The following PTPRO variants were observed in gnomAD, a reference collection of about 807,000 sequenced individuals.
PTPRO encodes receptor-type tyrosine-protein phosphatase O.
In PTPRO, 62 loss-of-function variants were observed where a neutral mutation model predicts 145.2. The ratio of observed to expected loss-of-function variants is 0.43; its 90% CI spans 0.35 to 0.53. The LOEUF (loss-of-function observed/expected upper bound fraction) is 0.53. Among genes scored for constraint, PTPRO ranks in the 20% least tolerant of loss-of-function variants. The pLI, the probability that PTPRO is intolerant of heterozygous loss-of-function variation, is 0.01. For missense variants in PTPRO, 1,345 were observed against 1,482.7 expected, an observed-to-expected ratio of 0.91 and a Z score of 1.53; for synonymous variants, 565 against 514.7, an observed-to-expected ratio of 1.10 and a Z score of -1.32.
At chr12:15,448,860 C>T (rs1263619035) in intron 1 of PTPRO, among the ~76,000 whole-genome samples, 2 of 151,726 alleles carry the variant, frequency 1.3e-5, no homozygotes, top group East Asian at 1.9e-4. Flanking sequence ...TAAATAACAA[C>T]ATGGATGAAC....
chr12:15,491,953 C>T (rs1942007771), intron 2 of PTPRO, among the ~76,000 whole-genome samples: 1 of 151,820 alleles, frequency 6.6e-6, no homozygotes, highest in South Asian at 2.1e-4. Context: ...AACAAACAAA[C>T]AAACAAACAA....
At chr12:15,523,127 A>C (rs116006682) in intron 10 of PTPRO, among the ~76,000 whole-genome samples, 1 of 152,250 alleles carries the variant, frequency 6.6e-6, no homozygotes, top group Non-Finnish European at 1.5e-5. Context: ...CGTATTTCAC[A>C]TGAAACAAAT....
intron 1 of PTPRO, among the ~76,000 whole-genome samples, chr12:15,424,575 C>T (rs531593789): frequency 5.3e-5 from 8 of 151,988 alleles, no homozygotes; most frequent in South Asian, 2.1e-4. Context: ...AATGATTAAA[C>T]GAATCAGGAG....
intron 1 of PTPRO, among the ~76,000 whole-genome samples, chr12:15,445,626 G>A (rs1461543678): frequency 6.6e-6 from 1 of 152,082 alleles, no homozygotes; most frequent in African/African-American, 2.4e-5. Flanking sequence ...CCCGCTTTGA[G>A]TTAACAATCA....
At chr12:15,546,858 G>T in intron 13 of PTPRO, 150 bp downstream of exon 13, 1 of 1,187,170 alleles carries the variant, frequency 8.4e-7, no homozygotes, top group South Asian at 1.5e-5. Context: ...TTAACAGCAG[G>T]CTTAGACCAA....
chr12:15,417,330 A>G (rs1270141335), intron 1 of PTPRO, among the ~76,000 whole-genome samples: 1 of 151,846 alleles, frequency 6.6e-6, no homozygotes, highest in Non-Finnish European at 1.5e-5. Context: ...ATAAGGTATC[A>G]AGACAAATAA....
Position 15,524,834 on chromosome 12 carries a change from A to T in PTPRO, c.1912A>T (p.Thr638Ser). 6.2e-7 allele frequency: 1 copy of T among 1,613,534 alleles called. No individual in the cohort carries two copies. Among genetic ancestry groups the T allele is most frequent in the Non-Finnish European group, 8.5e-7 (1 of 1,179,474 alleles). The change falls in exon 11 of 27, where the codon ACT becomes TCT. Residue 638 changes from threonine (T) to serine (S), a missense_variant. Physicochemically the swap from Thr to Ser is moderately conservative, Grantham distance 58 (BLOSUM62 1). This residue lies in a region of PTPRO where 1,130 missense variants were observed against 1,214.7 expected (regional missense o/e 0.93). Transcript: ENST00000281171. Reference sequence around the variant, plus strand: ...TGTAGCCCCAGTGGCTCCGGAAATCACTTCTGTGGAATATTTCAACAGTCT... The same window carrying T: ...TGTAGCCCCAGTGGCTCCGGAAATCTCTTCTGTGGAATATTTCAACAGTCT... Reference protein sequence around the residue: ...FITAPVAPEITSVEYFNSLLY... With the variant: ...FITAPVAPEISSVEYFNSLLY...
At chr12:15,422,388 T>C (rs1940170588) in intron 1 of PTPRO, among the ~76,000 whole-genome samples, 1 of 152,196 alleles carries the variant, frequency 6.6e-6, no homozygotes, top group South Asian at 2.1e-4. Context: ...AATGACTTTA[T>C]GATTAATAAA....
At chr12:15,421,125 T>C (rs1002057142) in intron 1 of PTPRO, among the ~76,000 whole-genome samples, 3 of 152,234 alleles carry the variant, frequency 2.0e-5, no homozygotes, top group Non-Finnish European at 4.4e-5. Context: ...ATTCCAGACA[T>C]TATCATCAGT....
intron 7 of PTPRO, among the ~76,000 whole-genome samples, chr12:15,510,227 G>A (rs1942411073): frequency 6.6e-6 from 1 of 152,134 alleles, no homozygotes; most frequent in Non-Finnish European, 1.5e-5. Flanking sequence ...GTTCTTTGGA[G>A]CACTAGAAAG....
At chr12:15,586,427 C>A (rs1369045957) in intron 23 of PTPRO, among the ~76,000 whole-genome samples, 1 of 152,168 alleles carries the variant, frequency 6.6e-6, no homozygotes, top group African/African-American at 2.4e-5. Context: ...AGCAGGAGAA[C>A]GCAACCTCTT....
At chr12:15,516,337 A>C (rs1389667710) in intron 8 of PTPRO, among the ~76,000 whole-genome samples, 2 of 138,796 alleles carry the variant, frequency 1.4e-5, no homozygotes, top group Admixed American at 1.4e-4. Context: ...ACCCTGTCTC[A>C]AAAAAAAAAA....
At chr12:15,566,945 A>G (rs1017270864) in intron 18 of PTPRO, among the ~76,000 whole-genome samples, 4 of 152,210 alleles carry the variant, frequency 2.6e-5, no homozygotes, top group Non-Finnish European at 5.9e-5. Flanking sequence ...ACAGAAACAG[A>G]AAGACTTTGT....
intron 24 of PTPRO, 190 bp downstream of exon 24, chr12:15,587,241 T>C (rs1000540466): frequency 6.2e-6 from 4 of 647,948 alleles, no homozygotes; most frequent in South Asian, 4.0e-5. Context: ...CTATACCCTA[T>C]AAAATAGATG....
chr12:15,342,486 G>A (rs528128646), intron 1 of PTPRO, among the ~76,000 whole-genome samples: 4 of 152,200 alleles, frequency 2.6e-5, no homozygotes, highest in African/African-American at 9.6e-5. Flanking sequence ...ATCATTCAGT[G>A]TCTCCTTGGA....
At chr12:15,503,191 T>A (rs1045021551) in intron 5 of PTPRO, among the ~76,000 whole-genome samples, 1 of 152,132 alleles carries the variant, frequency 6.6e-6, no homozygotes, top group African/African-American at 2.4e-5. Context: ...ATTACAAAAA[T>A]TTTTTACTGC....
At chr12:15,521,300 T>C (rs1942715970) in intron 10 of PTPRO, among the ~76,000 whole-genome samples, 1 of 152,176 alleles carries the variant, frequency 6.6e-6, no homozygotes, top group African/African-American at 2.4e-5. Context: ...CATGTCTCTT[T>C]TCTTTACTAG....
chr12:15,451,473 A>G (rs1941044957), intron 1 of PTPRO, among the ~76,000 whole-genome samples: 1 of 152,150 alleles, frequency 6.6e-6, no homozygotes, highest in Admixed American at 6.5e-5. Flanking sequence ...ATGGATTTAA[A>G]CTATACCCTG....
intron 1 of PTPRO, among the ~76,000 whole-genome samples, chr12:15,412,191 T>C (rs1939819805): frequency 6.6e-6 from 1 of 152,248 alleles, no homozygotes; most frequent in Non-Finnish European, 1.5e-5. Flanking sequence ...ACAATGTCAT[T>C]ATTTCCTGCC....
Sources: gnomAD v4.1 joint callset for allele counts (sites outside exome capture counted in the v4.1 genomes callset) on GRCh38, gnomAD v4.1.1 for gene constraint, gnomAD v4.1.1 regional missense constraint, MANE v1.5 for transcripts, NCBI Gene and HGNC (gene_info 2026-07-23, HGNC 2026-07-21) for gene names.